The following RGS7 variants were observed in gnomAD, a reference collection of about 807,000 sequenced individuals.
The protein encoded by RGS7 is regulator of G protein signaling 7.
In RGS7, 27 loss-of-function variants were observed where a neutral mutation model predicts 81.1. That is an observed-to-expected ratio of 0.33 (90% CI 0.25 to 0.46). The LOEUF is 0.46. Ranked by LOEUF, RGS7 falls within the 20% of genes least tolerant of loss-of-function variation. The probability of loss-of-function intolerance (pLI) is 1.00; values close to 1 mark genes in which losing one functional copy is unlikely to be tolerated. For missense variants in RGS7, 396 were observed against 607.4 expected (o/e 0.65, Z 3.66); for synonymous variants, 208 against 207.7 (o/e 1.00, Z -0.01).
intron 6 of RGS7, among the ~76,000 whole-genome samples, chr1:240,911,986 CA>C (rs756359806): frequency 0.012 from 1,533 of 127,830 alleles, 10 homozygotes; most frequent in South Asian, 0.018. Flanking sequence ...CTAAAAATAC[CA>C]AAAAAAAAAA....
intron 2 of RGS7, among the ~76,000 whole-genome samples, chr1:241,209,793 T>A (rs915542755): frequency 6.6e-6 from 1 of 152,110 alleles, no homozygotes; most frequent in Non-Finnish European, 1.5e-5. Context: ...GCTGTGTTCA[T>A]GCCACTGCAC....
intron 3 of RGS7, among the ~76,000 whole-genome samples, chr1:241,076,955 C>G (rs950263789): frequency 6.6e-6 from 1 of 152,160 alleles, no homozygotes; most frequent in Non-Finnish European, 1.5e-5. Flanking sequence ...AGGTCATGCT[C>G]TACATTAATT....
In RGS7 at chr1:241,219,234, G is replaced by A. The variant is rs112928607; in HGVS notation, c.79-120472C>T. ...TCAGTGGGAGGTAACTGAATCATGA[G>A]GGCAAGTTTTTCCCATGCTGTTCCT... On this transcript the variant is annotated intron_variant, in intron 2 of 18. Coordinates refer to ENST00000440928, the MANE Select transcript of RGS7 (RefSeq NM_001364886.1). Among the ~76,000 whole-genome samples the A allele has an allele frequency of 5.5e-3, 839 of 152,276 alleles. 10 individuals are homozygous for A. The highest frequency in any genetic ancestry group is 0.019 in the African/African-American group (801 of 41,558).
intron 2 of RGS7, among the ~76,000 whole-genome samples, chr1:241,321,926 A>G (rs1380187398): frequency 6.6e-6 from 1 of 152,158 alleles, no homozygotes; most frequent in African/African-American, 2.4e-5. Context: ...TTGTTGATTA[A>G]CCACATGTCC....
intron 2 of RGS7, among the ~76,000 whole-genome samples, chr1:241,204,992 T>C: frequency 6.6e-6 from 1 of 152,064 alleles, no homozygotes. Context: ...AATTTATTTA[T>C]TAATAGATTC....
At chr1:241,227,678 C>A (rs1196798472) in intron 2 of RGS7, among the ~76,000 whole-genome samples, 4 of 151,574 alleles carry the variant, frequency 2.6e-5, no homozygotes, top group African/African-American at 9.7e-5. Context: ...GCTGAGGCTG[C>A]AGAGAGTGAG....
intron 3 of RGS7, among the ~76,000 whole-genome samples, chr1:241,070,267 C>A (rs1262781802): frequency 6.6e-6 from 1 of 150,592 alleles, no homozygotes; most frequent in East Asian, 2.0e-4. Flanking sequence ...CAGTGCTATT[C>A]CAGATAGGCT....
chr1:240,788,858 C>T (rs1023853384), intron 18 of RGS7, among the ~76,000 whole-genome samples: 1 of 152,098 alleles, frequency 6.6e-6, no homozygotes, highest in Non-Finnish European at 1.5e-5. Context: ...ATGAAGTAGG[C>T]AGGGTGTGGT....
intron 3 of RGS7, among the ~76,000 whole-genome samples, chr1:241,049,295 A>G (rs2061124042): frequency 6.6e-6 from 1 of 152,190 alleles, no homozygotes; most frequent in Non-Finnish European, 1.5e-5. Flanking sequence ...ACTGGACATT[A>G]CTGGTGTTAT....
At chr1:240,952,680 A>G (rs571687427) in intron 4 of RGS7, among the ~76,000 whole-genome samples, 1 of 152,156 alleles carries the variant, frequency 6.6e-6, no homozygotes, top group East Asian at 1.9e-4. Context: ...ATATGTAAGA[A>G]GAATCCACAT....
intron 2 of RGS7, among the ~76,000 whole-genome samples, chr1:241,228,387 A>G (rs1422311817): frequency 6.6e-6 from 1 of 152,212 alleles, no homozygotes; most frequent in African/African-American, 2.4e-5. Context: ...TCACATAAAT[A>G]TAGATAAAAT....
chr1:241,015,797 T>C (rs550866447), intron 3 of RGS7, among the ~76,000 whole-genome samples: 124 of 152,328 alleles, frequency 8.1e-4, no homozygotes, highest in African/African-American at 2.9e-3. Flanking sequence ...CTCTTTCCAG[T>C]GATCAATATA....
intron 2 of RGS7, among the ~76,000 whole-genome samples, chr1:241,247,369 G>A (rs950305596): frequency 2.0e-5 from 3 of 152,142 alleles, no homozygotes; most frequent in African/African-American, 7.2e-5. Context: ...GAAATCGTAG[G>A]AAGAAAGTAG....
intron 4 of RGS7, among the ~76,000 whole-genome samples, chr1:240,967,571 G>GA (rs1278851729): frequency 2.3e-5 from 3 of 130,000 alleles, no homozygotes; most frequent in African/African-American, 5.3e-5. Context: ...CAAGAAGTGG[G>GA]GGGGGGGGGG....
At chr1:240,989,148 T>A (rs1413793546) in intron 3 of RGS7, among the ~76,000 whole-genome samples, 1 of 151,708 alleles carries the variant, frequency 6.6e-6, no homozygotes, top group Non-Finnish European at 1.5e-5. Context: ...TGTATTAAGA[T>A]ACCCAATCAG....
Position 240,937,174 on chromosome 1 carries a change from G to C in RGS7, c.227-468C>G, listed in dbSNP as rs1429249685. Among the ~76,000 whole-genome samples the C allele has an allele frequency of 2.0e-5, 3 of 152,200 alleles. No homozygotes were observed. The East Asian group carries it at 5.8e-4, about 29-fold the overall frequency. On this transcript the variant is annotated intron_variant, in intron 4 of 18. Coordinates refer to ENST00000440928, the MANE Select transcript of RGS7 (RefSeq NM_001364886.1). ...GTTTAGATTGTGTGGTACGACTCCA[G>C]CCAATGGGGACAGGACACAGAAGCA... is the stretch of plus-strand genomic sequence containing the variant.
chr1:241,072,839 A>AT (rs1292777967), intron 3 of RGS7, among the ~76,000 whole-genome samples: 1 of 152,116 alleles, frequency 6.6e-6, no homozygotes, highest in Non-Finnish European at 1.5e-5. Context: ...ATAGGCATGT[A>AT]TTTACATGCC....
intron 2 of RGS7, among the ~76,000 whole-genome samples, chr1:241,245,451 C>G (rs1435300365): frequency 6.6e-6 from 1 of 150,860 alleles, no homozygotes; most frequent in Non-Finnish European, 1.5e-5. Flanking sequence ...GAAGCTTGCA[C>G]AGCCTGCAGA....
intron 18 of RGS7, among the ~76,000 whole-genome samples, chr1:240,779,683 C>T (rs1055726952): frequency 5.3e-5 from 8 of 152,264 alleles, no homozygotes; most frequent in Middle Eastern, 3.4e-3. Flanking sequence ...CTGACTATAA[C>T]GGACTGAAAT....
Sources: allele counts gnomAD v4.1 joint callset (sites outside exome capture counted in the v4.1 genomes callset), GRCh38; gene constraint gnomAD v4.1.1; transcripts MANE v1.5; gene names NCBI Gene and HGNC (gene_info 2026-07-23, HGNC 2026-07-21).